PLEKHH2: variants seen among roughly 807,000 people sequenced by gnomAD.
PLEKHH2 encodes pleckstrin homology domain-containing family H member 2.
Under a neutral mutation model 187.9 loss-of-function variants are expected in PLEKHH2, and 129 were observed. The observed-to-expected ratio is 0.69, with a 90% confidence interval of 0.59 to 0.79. The LOEUF (loss-of-function observed/expected upper bound fraction) is 0.79, where lower values mean the gene tolerates loss of function less well. Among genes scored for constraint, PLEKHH2 ranks in the 30% least tolerant of loss-of-function variants. The pLI, the probability that PLEKHH2 is intolerant of heterozygous loss-of-function variation, is 0.00. For missense variants in PLEKHH2, 2,076 were observed against 1,751.2 expected (o/e 1.19, Z -3.31); for synonymous variants, 686 against 605.6 (o/e 1.13, Z -1.95).
intron 27 of PLEKHH2, among the ~76,000 whole-genome samples, chr2:43,761,630 C>T (rs903950504): frequency 1.3e-5 from 2 of 151,892 alleles, no homozygotes; most frequent in African/African-American, 2.4e-5. Flanking sequence ...AGGCTGGTCT[C>T]GAACTCCTGG....
intron 2 of PLEKHH2, among the ~76,000 whole-genome samples, chr2:43,674,263 A>T (rs1475505007): frequency 6.6e-6 from 1 of 152,176 alleles, no homozygotes; most frequent in East Asian, 1.9e-4. Flanking sequence ...AATTTTGTGC[A>T]TTCTTCTGTT....
chr2:43,711,942 G>T (rs1669989204), intron 14 of PLEKHH2: 2 of 1,100,866 alleles, frequency 1.8e-6, no homozygotes, highest in Non-Finnish European at 2.2e-6. Flanking sequence ...ATTTAAGCAA[G>T]AAAGGGAAAA....
intron 2 of PLEKHH2, among the ~76,000 whole-genome samples, chr2:43,657,000 C>G (rs1258911099): frequency 6.6e-6 from 1 of 151,844 alleles, no homozygotes; most frequent in East Asian, 1.9e-4. Context: ...GCCTGGGCAA[C>G]AAGAGCAAAA....
At chr2:43,695,502 T>C (rs942603836) in intron 6 of PLEKHH2, among the ~76,000 whole-genome samples, 1 of 152,222 alleles carries the variant, frequency 6.6e-6, no homozygotes, top group Admixed American at 6.5e-5. Context: ...CTCTCTCTAT[T>C]CTAAAAGACC....
rs1672603604 is a variant in PLEKHH2, at chr2:43,765,879, A to T, written c.*281A>T. Reference sequence around the variant, plus strand: ...TCCCTTCTCCCTTGTCATCAGACACATTGTGCAATGTGGCTTTTCTTTTCT... The same window carrying T: ...TCCCTTCTCCCTTGTCATCAGACACTTTGTGCAATGTGGCTTTTCTTTTCT... On this transcript the variant is annotated 3_prime_UTR_variant, in exon 30 of 30. Transcript: ENST00000282406. 6.2e-6 allele frequency: 2 copies of T among 321,092 alleles called. No homozygotes were observed. The highest frequency in any genetic ancestry group is 1.1e-5 in the Non-Finnish European group (2 of 178,050). 19.9% of individuals were successfully genotyped at this position (321,092 alleles called of 1,614,324 possible). A position where few individuals can be genotyped will look rare whatever the true frequency, so the allele number is the denominator to read the frequency against.
At chr2:43,759,178 G>T in intron 27 of PLEKHH2, 149 bp downstream of exon 27, 1 of 1,263,732 alleles carries the variant, frequency 7.9e-7, no homozygotes, top group African/African-American at 1.5e-5. Context: ...ACTAGAGAAA[G>T]GGCAGAAAAG....
rs2104600493 is a variant in PLEKHH2 at position 43,743,908 on chromosome 2, A to G, written c.3474A>G (p.Lys1158=). 1 of 1,614,122 alleles carries G rather than the reference A, an allele frequency of 6.2e-7. No homozygotes were observed. The highest frequency in any genetic ancestry group is 1.6e-4 in the Middle Eastern group (1 of 6,062). ...TGAACCAGGACACAGGAATGAGGAA[A>G]CCAGCGCAGTCTGGATTTGCGTTGT... ...NTLNQDTGMR[K]PAQSGFALFT... is the part of the protein sequence containing the mutation. The change falls in exon 23 of 30, where the codon AAA becomes AAG. Residue 1158 remains lysine, a synonymous_variant. Coordinates refer to ENST00000282406, the MANE Select transcript of PLEKHH2 (RefSeq NM_172069.4).
intron 8 of PLEKHH2, among the ~76,000 whole-genome samples, chr2:43,701,012 C>G (rs1446733207): frequency 1.3e-5 from 2 of 152,166 alleles, no homozygotes; most frequent in African/African-American, 4.8e-5. Context: ...AAAATTTCTT[C>G]TTCTCTTCCC....
At chr2:43,692,785 C>G in intron 4 of PLEKHH2, 122 bp downstream of exon 4, 1 of 1,071,748 alleles carries the variant, frequency 9.3e-7, no homozygotes, top group Non-Finnish European at 1.4e-6. Flanking sequence ...TTCGGTCAAC[C>G]CATAGGATTG....
chr2:43,716,957 T>G (rs1670240025), intron 15 of PLEKHH2, among the ~76,000 whole-genome samples: 1 of 152,210 alleles, frequency 6.6e-6, no homozygotes, highest in Non-Finnish European at 1.5e-5. Flanking sequence ...AGTGGATTTG[T>G]TAGAAGCAAA....
In PLEKHH2 at chr2:43,745,960, A is replaced by G. The variant is rs17031368; in HGVS notation, c.3650A>G (p.Asn1217Ser). The change falls in exon 24 of 30, where the codon AAC (asparagine) becomes AGC (serine). Residue 1217 changes from asparagine (N) to serine (S), a missense_variant. Coordinates refer to ENST00000282406, the MANE Select transcript of PLEKHH2 (RefSeq NM_172069.4). The part of the protein sequence containing the change: ...GTRTVRLTYK[N>S]RLYFSVQARG... The stretch of plus-strand genomic sequence containing the variant: ...AGGACTGTTCGTCTGACATACAAAA[A>G]CAGGTGTGTAATACTGCATCCAGAT... 0.028 allele frequency: 45,620 copies of G among 1,601,788 alleles called. 2,066 individuals are homozygous for G. Among genetic ancestry groups the G allele is most frequent in the African/African-American group, 0.21 (15,789 of 74,654 alleles).
intron 2 of PLEKHH2, 27 bp from the exon 3 acceptor site, chr2:43,678,836 G>A: frequency 6.5e-7 from 1 of 1,529,380 alleles, no homozygotes; most frequent in East Asian, 2.3e-5. Flanking sequence ...ATAAATTTTT[G>A]TATTTATATT....
chr2:43,681,170 T>C, intron 3 of PLEKHH2: 1 of 701,804 alleles, frequency 1.4e-6, no homozygotes, highest in Non-Finnish European at 2.5e-6. Flanking sequence ...CAGAACATCC[T>C]TTTGGTCCAC....
intron 2 of PLEKHH2, among the ~76,000 whole-genome samples, chr2:43,647,005 A>C (rs1666214239): frequency 6.6e-6 from 1 of 152,024 alleles, no homozygotes; most frequent in South Asian, 2.1e-4. Context: ...ATTTTCTGTT[A>C]TATTCCATTA....
intron 3 of PLEKHH2, among the ~76,000 whole-genome samples, chr2:43,687,940 G>T (rs761450870): frequency 6.6e-6 from 1 of 151,970 alleles, no homozygotes; most frequent in Non-Finnish European, 1.5e-5. Context: ...GGGACCACAG[G>T]CATATGCCAC....
chr2:43,686,683 G>A (rs774106444), intron 3 of PLEKHH2, among the ~76,000 whole-genome samples: 8 of 152,128 alleles, frequency 5.3e-5, no homozygotes, highest in Non-Finnish European at 1.0e-4. Flanking sequence ...TAATCATGGA[G>A]TACTATGCCA....
chr2:43,650,144 C>CTTTTTTTTTTTTTTTTTTTTTTTTCT (rs70965311), intron 2 of PLEKHH2, among the ~76,000 whole-genome samples: 1 of 95,664 alleles, frequency 1.0e-5, no homozygotes, highest in Non-Finnish European at 2.0e-5. Flanking sequence ...TTTTTCTTTC[C>CTTTTTTTTTTTTTTTTTTTTTTTTCT]TTTTTTTTTT....
At chr2:43,702,056 G>A (rs926764559) in intron 8 of PLEKHH2, among the ~76,000 whole-genome samples, 2 of 152,126 alleles carry the variant, frequency 1.3e-5, no homozygotes, top group African/African-American at 2.4e-5. Context: ...GGCGTGTCAC[G>A]CCACTGCACC....
chr2:43,758,444 G>C (rs1297073766), intron 26 of PLEKHH2, among the ~76,000 whole-genome samples: 2 of 152,088 alleles, frequency 1.3e-5, no homozygotes, highest in Admixed American at 1.3e-4. Context: ...GTAGAGACGG[G>C]GTTTCACCAC....
Sources: gnomAD v4.1 joint callset for allele counts (sites outside exome capture counted in the v4.1 genomes callset) on GRCh38, gnomAD v4.1.1 for gene constraint, MANE v1.5 for transcripts, NCBI Gene and HGNC (gene_info 2026-07-23, HGNC 2026-07-21) for gene names.